The following BNC2 variants were observed in gnomAD, a reference collection of about 807,000 sequenced individuals.
The protein encoded by BNC2 is basonuclin zinc finger protein 2.
Under a neutral mutation model 76.3 loss-of-function variants are expected in BNC2, and 20 were observed. That is an observed-to-expected ratio of 0.26 (90% CI 0.18 to 0.38). The LOEUF is 0.38. Among genes scored for constraint, BNC2 ranks in the 10% least tolerant of loss-of-function variants. BNC2 has a pLI of 1.00. For missense variants in BNC2, 1,382 were observed against 1,399.8 expected (o/e 0.99, Z 0.20); for synonymous variants, 582 against 514.8 (o/e 1.13, Z -1.77).
At chr9:16,588,822 C>T (rs1819840994) in intron 3 of BNC2, among the ~76,000 whole-genome samples, 1 of 152,102 alleles carries the variant, frequency 6.6e-6, no homozygotes, top group Non-Finnish European at 1.5e-5. Flanking sequence ...AATTGAACCC[C>T]AATCTTCTGA....
In BNC2 at chr9:16,774,106, C is replaced by A. The variant is rs897325429; in HGVS notation, c.4-35621G>T. 1.3e-4 allele frequency among the ~76,000 whole-genome samples: 20 copies of A among 152,208 alleles called. No individual in the cohort carries two copies. The East Asian group carries it at 3.7e-3, about 28-fold the overall frequency. ...AAGGGAGTCTCATGCCTTATCCTCCCAAGTAGGTGAGATTACAGGTACCCG... is the reference window on the plus strand; with the variant it reads ...AAGGGAGTCTCATGCCTTATCCTCCAAAGTAGGTGAGATTACAGGTACCCG... On this transcript the variant is annotated intron_variant, in intron 1 of 6. Coordinates refer to ENST00000380672, the MANE Select transcript of BNC2 (RefSeq NM_017637.6).
At position 16,435,552 on chromosome 9, in the gene BNC2, G is replaced by C. The variant is rs971913612; in HGVS notation, c.2639+3C>G. The C allele has an allele frequency of 7.4e-6, 12 of 1,613,550 alleles. No individual in the cohort carries two copies. The highest frequency in any genetic ancestry group is 1.7e-5 in the Admixed American group (1 of 59,996). ...CAGGAGCAGCCAATGGAGATTTACT[G>C]ACCTGTCTCGGCTTCGGCGAGAGGG... is the stretch of plus-strand genomic sequence containing the variant. On this transcript the variant is annotated splice_donor_region_variant and intron_variant, in intron 6 of 6. Transcript: ENST00000380672.
chr9:16,549,706 G>A (rs1257850776), intron 5 of BNC2, among the ~76,000 whole-genome samples: 1 of 152,048 alleles, frequency 6.6e-6, no homozygotes, highest in Non-Finnish European at 1.5e-5. Context: ...ACAAAACAAA[G>A]CATTTTCTCA....
intron 1 of BNC2, among the ~76,000 whole-genome samples, chr9:16,787,223 G>A (rs1300384503): frequency 6.6e-6 from 1 of 152,146 alleles, no homozygotes; most frequent in African/African-American, 2.4e-5. Flanking sequence ...CCTGGGCAGG[G>A]GGAAACTAGT....
At chr9:16,481,528 C>T (rs1424806780) in intron 5 of BNC2, among the ~76,000 whole-genome samples, 2 of 152,214 alleles carry the variant, frequency 1.3e-5, no homozygotes, top group South Asian at 2.1e-4. Flanking sequence ...ACTCCAGACA[C>T]GCCACCTTAA....
chr9:16,829,220 G>T (rs1818524894), intron 1 of BNC2, among the ~76,000 whole-genome samples: 1 of 152,230 alleles, frequency 6.6e-6, no homozygotes. Flanking sequence ...CTGAGGAAGG[G>T]TAGAAGAGAG....
intron 1 of BNC2, among the ~76,000 whole-genome samples, chr9:16,858,527 T>C (rs186289901): frequency 6.4e-4 from 98 of 152,262 alleles, no homozygotes; most frequent in African/African-American, 2.3e-3. Flanking sequence ...AAAGCAAGAA[T>C]AGACAAATGG....
At chr9:16,666,744 T>C (rs904475640) in intron 3 of BNC2, among the ~76,000 whole-genome samples, 8 of 152,208 alleles carry the variant, frequency 5.3e-5, no homozygotes, top group Non-Finnish European at 1.0e-4. Context: ...ATCTGAAATG[T>C]AGTCTACACT....
intron 3 of BNC2, among the ~76,000 whole-genome samples, chr9:16,713,102 T>G (rs781081549): frequency 1.3e-5 from 2 of 152,216 alleles, no homozygotes; most frequent in African/African-American, 2.4e-5. Flanking sequence ...GAAATTGTCA[T>G]GTACTAGGAC....
chr9:16,851,392 G>C (rs1257137140), intron 1 of BNC2, among the ~76,000 whole-genome samples: 1 of 152,040 alleles, frequency 6.6e-6, no homozygotes, highest in Non-Finnish European at 1.5e-5. Flanking sequence ...TGTAGTCCCA[G>C]CTACTCAGGA....
At chr9:16,464,683 A>G (rs1002155299) in intron 5 of BNC2, among the ~76,000 whole-genome samples, 2 of 152,156 alleles carry the variant, frequency 1.3e-5, no homozygotes, top group African/African-American at 2.4e-5. Context: ...CAGCCTCCAT[A>G]GTAGCTGTGA....
chr9:16,464,418 G>C (rs935666926), intron 5 of BNC2, among the ~76,000 whole-genome samples: 4 of 151,964 alleles, frequency 2.6e-5, no homozygotes, highest in Non-Finnish European at 4.4e-5. Flanking sequence ...AACAAACCTG[G>C]AAGAAGGGAA....
chr9:16,648,960 T>C (rs894653240), intron 3 of BNC2, among the ~76,000 whole-genome samples: 3 of 152,220 alleles, frequency 2.0e-5, no homozygotes, highest in Non-Finnish European at 2.9e-5. Context: ...AAACCAATGA[T>C]ATCTTTATGT....
chr9:16,572,818 T>A (rs1332939115), intron 4 of BNC2, among the ~76,000 whole-genome samples: 3 of 152,076 alleles, frequency 2.0e-5, no homozygotes, highest in African/African-American at 7.2e-5. Flanking sequence ...GGATTTAGGG[T>A]GTTAGGATTA....
At chr9:16,692,666 G>T (rs1197152488) in intron 3 of BNC2, among the ~76,000 whole-genome samples, 1 of 152,134 alleles carries the variant, frequency 6.6e-6, no homozygotes, top group African/African-American at 2.4e-5. Context: ...AGCCACAAGG[G>T]TCAAAGGAAT....
intron 4 of BNC2, among the ~76,000 whole-genome samples, chr9:16,572,974 A>G (rs6475063): frequency 0.18 from 27,450 of 152,072 alleles, 4,694 homozygotes; most frequent in African/African-American, 0.45. Flanking sequence ...CACAGCTGTA[A>G]TCTCAGTGCT....
intron 3 of BNC2, among the ~76,000 whole-genome samples, chr9:16,592,649 G>A (rs1216749230): frequency 6.6e-6 from 1 of 152,118 alleles, no homozygotes; most frequent in Admixed American, 6.6e-5. Flanking sequence ...TTAAATGGGT[G>A]GAATGTATGG....
chr9:16,462,602 C>T (rs987149106), intron 5 of BNC2, among the ~76,000 whole-genome samples: 1 of 152,202 alleles, frequency 6.6e-6, no homozygotes, highest in African/African-American at 2.4e-5. Flanking sequence ...CAAAGGCACA[C>T]ACGAAGGGCT....
intron 1 of BNC2, among the ~76,000 whole-genome samples, chr9:16,742,493 A>G (rs1824879781): frequency 6.6e-6 from 1 of 152,188 alleles, no homozygotes; most frequent in South Asian, 2.1e-4. Context: ...GGCCAACATC[A>G]GCAACCGCCA....
Sources: gnomAD v4.1 joint callset for allele counts (sites outside exome capture counted in the v4.1 genomes callset) on GRCh38, gnomAD v4.1.1 for gene constraint, MANE v1.5 for transcripts, NCBI Gene and HGNC (gene_info 2026-07-23, HGNC 2026-07-21) for gene names.